MDGA2: variants seen among roughly 807,000 people sequenced by gnomAD.
MDGA2 encodes the protein MAM domain-containing glycosylphosphatidylinositol anchor protein 2.
MDGA2 carries 40 observed loss-of-function variants against 117.8 expected under a neutral mutation model. The observed-to-expected ratio is 0.34, with a 90% CI of 0.26 to 0.44. The LOEUF is 0.44. MDGA2 is among the 20% of genes least tolerant of loss of function. MDGA2 has a pLI of 1.00. For synonymous variants in MDGA2, 452 were observed against 439.0 expected (o/e 1.03, Z -0.37); for missense variants, 1,123 against 1,250.6 (o/e 0.90, Z 1.54).
At chr14:47,071,897 T>A (rs1289011061) in intron 6 of MDGA2, among the ~76,000 whole-genome samples, 1 of 152,098 alleles carries the variant, frequency 6.6e-6, no homozygotes, top group East Asian at 1.9e-4. Flanking sequence ...AAATTCACAA[T>A]CCTAGTTGTC....
Position 47,582,927 on chromosome 14 carries a change from G to A in MDGA2, c.280+91590C>T, listed in dbSNP as rs141731265. 2.8e-4 allele frequency among the ~76,000 whole-genome samples: 42 copies of A among 151,918 alleles called. No homozygotes were observed. The East Asian group carries it at 4.5e-3, about 16-fold the overall frequency. The stretch of plus-strand genomic sequence containing the variant: ...CTCACTGCATAAGCTTCTAATTACC[G>A]CAAGTGAGCAAATGTACATCTTATC... On this transcript the variant is annotated intron_variant, in intron 1 of 16. Coordinates refer to ENST00000399232, the MANE Select transcript of MDGA2 (RefSeq NM_001113498.3).
chr14:47,298,451 T>A (rs1594780956), intron 2 of MDGA2, among the ~76,000 whole-genome samples: 1 of 152,312 alleles, frequency 6.6e-6, no homozygotes, highest in East Asian at 1.9e-4. Context: ...AATCTGCTGA[T>A]GAGTGAATGA....
chr14:46,963,368 T>G (rs1171143150), intron 8 of MDGA2, among the ~76,000 whole-genome samples: 2 of 152,222 alleles, frequency 1.3e-5, no homozygotes, highest in Non-Finnish European at 2.9e-5. Context: ...AAATGCGTGT[T>G]TAACAGAAAA....
At chr14:46,982,617 G>C (rs1886715786) in intron 8 of MDGA2, among the ~76,000 whole-genome samples, 1 of 144,318 alleles carries the variant, frequency 6.9e-6, no homozygotes. Flanking sequence ...GCTGAGACAG[G>C]AGAATCACTT....
intron 8 of MDGA2, among the ~76,000 whole-genome samples, chr14:46,995,586 C>A (rs1887259002): frequency 6.6e-6 from 1 of 151,650 alleles, no homozygotes; most frequent in Non-Finnish European, 1.5e-5. Context: ...TTGCTGAATC[C>A]ATTATAAGAA....
At chr14:47,628,254 G>T (rs893865037) in intron 1 of MDGA2, among the ~76,000 whole-genome samples, 3 of 152,028 alleles carry the variant, frequency 2.0e-5, no homozygotes, top group African/African-American at 7.2e-5. Flanking sequence ...GGCATATTTT[G>T]CTTTTCTTTC....
At chr14:47,469,707 A>G (rs553522787) in intron 1 of MDGA2, among the ~76,000 whole-genome samples, 1 of 152,070 alleles carries the variant, frequency 6.6e-6, no homozygotes, top group Non-Finnish European at 1.5e-5. Flanking sequence ...TTTTTAGTTC[A>G]AGATCCCTGA....
intron 1 of MDGA2, among the ~76,000 whole-genome samples, chr14:47,426,643 CTG>C (rs1892696086): frequency 6.7e-6 from 1 of 149,224 alleles, no homozygotes; most frequent in South Asian, 2.1e-4. Context: ...AAAAGCATCT[CTG>C]TGTGTGATAT....
At chr14:46,932,984 AT>A (rs1055520912) in intron 9 of MDGA2, among the ~76,000 whole-genome samples, 1 of 152,130 alleles carries the variant, frequency 6.6e-6, no homozygotes, top group African/African-American at 2.4e-5. Context: ...AACAATAAAC[AT>A]ATGGACATTA....
At chr14:47,212,612 C>T (rs900364681) in intron 3 of MDGA2, among the ~76,000 whole-genome samples, 1 of 152,020 alleles carries the variant, frequency 6.6e-6, no homozygotes, top group Non-Finnish European at 1.5e-5. Flanking sequence ...TTCATTTTCA[C>T]ATTGTCTTAC....
chr14:47,367,148 T>C (rs1461093559), intron 1 of MDGA2, among the ~76,000 whole-genome samples: 1 of 152,196 alleles, frequency 6.6e-6, no homozygotes, highest in African/African-American at 2.4e-5. Context: ...CTTTATTTTA[T>C]GATAAACAGT....
At chr14:46,983,394 A>T (rs1375561751) in intron 8 of MDGA2, among the ~76,000 whole-genome samples, 1 of 152,048 alleles carries the variant, frequency 6.6e-6, no homozygotes, top group Non-Finnish European at 1.5e-5. Context: ...CTTCACAGTT[A>T]TATTTTATGA....
chr14:47,201,141 T>G, intron 3 of MDGA2: 2 of 723,750 alleles, frequency 2.8e-6, no homozygotes, highest in Non-Finnish European at 5.2e-6. Flanking sequence ...TTTTCTATTT[T>G]TATTGCATTA....
chr14:47,019,717 G>A (rs1331057367), intron 8 of MDGA2, among the ~76,000 whole-genome samples: 3 of 151,778 alleles, frequency 2.0e-5, no homozygotes, highest in African/African-American at 7.3e-5. Flanking sequence ...GGTGGCGGGC[G>A]CCTGTAGTCC....
intron 15 of MDGA2, among the ~76,000 whole-genome samples, chr14:46,851,037 A>G (rs548656230): frequency 1.5e-4 from 23 of 151,936 alleles, no homozygotes; most frequent in Non-Finnish European, 3.2e-4. Flanking sequence ...GTTGGAACAT[A>G]AGGCAGCATG....
At chr14:47,235,332 T>A (rs1444479828) in intron 2 of MDGA2, among the ~76,000 whole-genome samples, 6 of 152,200 alleles carry the variant, frequency 3.9e-5, no homozygotes, top group Non-Finnish European at 5.9e-5. Context: ...CCTGGAATTA[T>A]GATACAAAAA....
chr14:47,200,906 C>T (rs1029475494), intron 3 of MDGA2: 8 of 846,922 alleles, frequency 9.4e-6, no homozygotes, highest in Non-Finnish European at 1.2e-5. Flanking sequence ...GGCCTGGCCT[C>T]GCTTGGTCTT....
In MDGA2 at chr14:46,884,963, C is replaced by A. The variant is rs375531251; in HGVS notation, c.2239-2742G>T. Reference sequence around the variant, plus strand: ...CAGGATTCAAGCAATTCTCCTGCCTCGGCCCCCTGAGTAAATGGAATTACA... The same window carrying A: ...CAGGATTCAAGCAATTCTCCTGCCTAGGCCCCCTGAGTAAATGGAATTACA... On this transcript the variant is annotated intron_variant, in intron 10 of 16. Transcript: ENST00000399232. This position sits in a 1 kb window ranked among gnomAD's most constrained non-coding sequence, Gnocchi z 4.1. 6.6e-6 allele frequency among the ~76,000 whole-genome samples: 1 copy of A among 151,882 alleles called. No homozygotes were observed. Among genetic ancestry groups the A allele is most frequent in the Non-Finnish European group, 1.5e-5 (1 of 67,998 alleles).
chr14:47,634,277 G>A (rs186700390), intron 1 of MDGA2, among the ~76,000 whole-genome samples: 20 of 152,110 alleles, frequency 1.3e-4, no homozygotes, highest in African/African-American at 4.1e-4. Context: ...CTTAAAATTA[G>A]TTATATCATA....
Sources: gnomAD v4.1 joint callset for allele counts (sites outside exome capture counted in the v4.1 genomes callset) on GRCh38, gnomAD v4.1.1 for gene constraint, Gnocchi (gnomAD v3.1) non-coding constraint, MANE v1.5 for transcripts, NCBI Gene and HGNC (gene_info 2026-07-23, HGNC 2026-07-21) for gene names.